The following KCNK10 variants were observed in gnomAD, a reference collection of about 807,000 sequenced individuals.
KCNK10 encodes the protein potassium two pore domain channel subfamily K member 10.
In KCNK10, 25 loss-of-function variants were observed where a neutral mutation model predicts 47.7. That is an observed-to-expected ratio of 0.52 (90% CI 0.38 to 0.73). The LOEUF is 0.73. Ranked by LOEUF, KCNK10 falls within the 30% of genes least tolerant of loss-of-function variation. The probability of loss-of-function intolerance (pLI) is 0.00; values close to 1 mark genes in which losing one functional copy is unlikely to be tolerated. For missense variants in KCNK10, 563 were observed against 714.5 expected (o/e 0.79, Z 2.42); for synonymous variants, 303 against 285.6 (o/e 1.06, Z -0.61).
chr14:88,278,074 C>T (rs1887565434), intron 1 of KCNK10, among the ~76,000 whole-genome samples: 1 of 152,176 alleles, frequency 6.6e-6, no homozygotes, highest in Admixed American at 6.5e-5. Context: ...TGAGCAGAAT[C>T]CCTGCTGTCC....
chr14:88,191,340 A>ACACACACAC (rs1884741258), intron 5 of KCNK10, among the ~76,000 whole-genome samples: 116 of 150,066 alleles, frequency 7.7e-4, no homozygotes, highest in African/African-American at 2.8e-3. Flanking sequence ...TGGTAAAGGA[A>ACACACACAC]ACACACACAC....
chr14:88,249,332 G>A (rs1886729570), intron 2 of KCNK10, among the ~76,000 whole-genome samples: 1 of 152,204 alleles, frequency 6.6e-6, no homozygotes, highest in Admixed American at 6.5e-5. Flanking sequence ...ATGGACATTG[G>A]TTTTAGATCG....
At chr14:88,266,110 C>A (rs949842941) in intron 1 of KCNK10, among the ~76,000 whole-genome samples, 2 of 152,180 alleles carry the variant, frequency 1.3e-5, no homozygotes, top group African/African-American at 4.8e-5. Flanking sequence ...GTCTACCCCT[C>A]ACCTCTGCAC....
Position 88,322,748 on chromosome 14 carries a change from T to G in KCNK10, c.51A>C (p.Lys17Asn). 1.2e-6 allele frequency: 2 copies of G among 1,614,106 alleles called. No individual in the cohort carries two copies. The highest frequency in any genetic ancestry group is 1.7e-6 in the Non-Finnish European group (2 of 1,179,990). ...CAGCCAAAAGTAGGAAACACCCACC[T>G]TTAGGATCCCAGTTCACCTGTTTTC... ...TPRKQVNWDP[K>N]VAVPAAAPVC... The change falls in exon 1 of 7, where the codon AAA becomes AAC. Residue 17 changes from lysine (K) to asparagine (N), a missense_variant and splice_region_variant. Transcript: ENST00000319231. This position sits in a 1 kb window ranked among gnomAD's most constrained non-coding sequence, Gnocchi z 4.8.
intron 1 of KCNK10, among the ~76,000 whole-genome samples, chr14:88,266,912 T>G: frequency 6.6e-6 from 1 of 152,186 alleles, no homozygotes; most frequent in East Asian, 1.9e-4. Flanking sequence ...TGGGCAGAAT[T>G]GGGCTTGAGA....
At chr14:88,248,538 G>A (rs570897875) in intron 2 of KCNK10, among the ~76,000 whole-genome samples, 92 of 152,198 alleles carry the variant, frequency 6.0e-4, no homozygotes, top group African/African-American at 2.1e-3. Flanking sequence ...AGGCCAGCCT[G>A]GGCAACATGG....
Position 88,239,861 on chromosome 14 carries a change from A to AAAAAT in KCNK10, c.520+837_520+841dup, listed in dbSNP as rs147985522. The stretch of plus-strand genomic sequence containing the variant: ...GTGATAAGAGTGAAACTCCATCTCA[A>AAAAAT]AAAATAAAATAAAATAAAATAAAAT... On this transcript the variant is annotated intron_variant, in intron 3 of 6. Coordinates refer to ENST00000319231, the MANE Select transcript of KCNK10 (RefSeq NM_138317.3). 5.9e-3 allele frequency among the ~76,000 whole-genome samples: 846 copies of AAAAAT among 144,568 alleles called. 6 individuals are homozygous for AAAAAT. Among genetic ancestry groups the AAAAAT allele is most frequent in the Non-Finnish European group, 7.7e-3 (509 of 66,348 alleles). The allele number at this position is 144,568 out of a possible 152,430, so 94.8% of individuals were successfully genotyped here.
At chr14:88,326,123 T>C (rs1472056254), upstream of KCNK10, among the ~76,000 whole-genome samples, 1 of 151,578 alleles carries the variant, frequency 6.6e-6, no homozygotes, top group Non-Finnish European at 1.5e-5. Context: ...CTCTGGAGCT[T>C]TCTCTCACCT....
chr14:88,303,882 G>A (rs1250966816), intron 1 of KCNK10, among the ~76,000 whole-genome samples: 4 of 151,978 alleles, frequency 2.6e-5, no homozygotes, highest in South Asian at 2.1e-4. Flanking sequence ...TTCCTGAATC[G>A]CACACTCAAG....
At position 88,274,566 on chromosome 14, in the gene KCNK10, A is replaced by AAAAAAAAAAAAAAT. The variant is rs55899872; in HGVS notation, c.53-11016_53-11015insATTTTTTTTTTTTT. Among the ~76,000 whole-genome samples the AAAAAAAAAAAAAAT allele has an allele frequency of 2.1e-3, 291 of 139,632 alleles. 34 individuals are homozygous for AAAAAAAAAAAAAAT. The highest frequency in any genetic ancestry group is 8.1e-3 in the African/African-American group (262 of 32,148). 91.6% of individuals were successfully genotyped at this position (139,632 alleles called of 152,430 possible). On this transcript the variant is annotated intron_variant, in intron 1 of 6. Transcript: ENST00000319231. ...ACTCTATCTAAAAAAAAAAAAAAAA[A>AAAAAAAAAAAAAAT]GATCTTATGGCTTAAGTCCGTAACA... is the stretch of plus-strand genomic sequence containing the variant.
intron 6 of KCNK10, among the ~76,000 whole-genome samples, chr14:88,187,645 A>G (rs1884613435): frequency 7.0e-6 from 1 of 142,760 alleles, no homozygotes; most frequent in Non-Finnish European, 1.6e-5. Context: ...ACACACACTC[A>G]GCCATAGTCT....
At chr14:88,226,216 C>T (rs764152103) in intron 4 of KCNK10, among the ~76,000 whole-genome samples, 8 of 152,170 alleles carry the variant, frequency 5.3e-5, no homozygotes, top group Non-Finnish European at 1.0e-4. Flanking sequence ...AGGCAGCTGA[C>T]CCAGGATCAG....
At chr14:88,242,078 T>A (rs1841127052) in intron 2 of KCNK10, among the ~76,000 whole-genome samples, 1 of 152,194 alleles carries the variant, frequency 6.6e-6, no homozygotes, top group African/African-American at 2.4e-5. Context: ...GACTCTCTGT[T>A]CCTTGGGCAA....
At chr14:88,224,046 G>A (rs1885908276) in intron 4 of KCNK10, among the ~76,000 whole-genome samples, 1 of 151,650 alleles carries the variant, frequency 6.6e-6, no homozygotes, top group African/African-American at 2.4e-5. Flanking sequence ...AAAATTGTGA[G>A]CATTCTTATT....
chr14:88,286,236 G>A (rs1887757614), intron 1 of KCNK10, among the ~76,000 whole-genome samples: 1 of 152,160 alleles, frequency 6.6e-6, no homozygotes, highest in Non-Finnish European at 1.5e-5. Context: ...TCCCAGGTGA[G>A]GCCCCAGACG....
chr14:88,212,381 G>A (rs575151253), intron 4 of KCNK10, among the ~76,000 whole-genome samples: 54 of 151,594 alleles, frequency 3.6e-4, no homozygotes, highest in African/African-American at 1.1e-3. Flanking sequence ...CAGAGGTTGC[G>A]GTGAGCCAAG....
At chr14:88,213,172 C>T (rs1267123376) in intron 4 of KCNK10, among the ~76,000 whole-genome samples, 1 of 152,108 alleles carries the variant, frequency 6.6e-6, no homozygotes, top group Non-Finnish European at 1.5e-5. Flanking sequence ...GATGAGCACA[C>T]TCAATTCAAT....
intron 2 of KCNK10, among the ~76,000 whole-genome samples, chr14:88,246,630 T>A (rs181157484): frequency 3.9e-5 from 6 of 152,184 alleles, no homozygotes; most frequent in Non-Finnish European, 8.8e-5. Flanking sequence ...TCAGAGAGGA[T>A]TTCTGGGGCC....
chr14:88,198,512 T>A (rs1393881975), intron 4 of KCNK10, among the ~76,000 whole-genome samples: 2 of 152,180 alleles, frequency 1.3e-5, no homozygotes, highest in Non-Finnish European at 1.5e-5. Context: ...GTAACAATGC[T>A]ACAGACAGCT....
Sources: allele counts gnomAD v4.1 joint callset (sites outside exome capture counted in the v4.1 genomes callset), GRCh38; gene constraint gnomAD v4.1.1; non-coding constraint Gnocchi (gnomAD v3.1); transcripts MANE v1.5; gene names NCBI Gene and HGNC (gene_info 2026-07-23, HGNC 2026-07-21).